ANK2: variants seen among roughly 807,000 people sequenced by gnomAD.
ANK2 encodes ankyrin 2, also known as ankyrin-2.
Under a neutral mutation model 360.5 loss-of-function variants are expected in ANK2, and 83 were observed. The ratio of observed to expected loss-of-function variants is 0.23; its 90% CI spans 0.19 to 0.28. ANK2 has a LOEUF of 0.28. ANK2 is among the 10% of genes least tolerant of loss of function. The pLI is 1.00. For synonymous variants in ANK2, 1,740 were observed against 1,759.5 expected, an observed-to-expected ratio of 0.99 and a Z score of 0.28; for missense variants, 4,201 against 4,795.7, an observed-to-expected ratio of 0.88 and a Z score of 3.66.
rs562092524 is a variant in ANK2 at position 113,349,740 on chromosome 4, C to A, written c.4405-488C>A. 4.6e-5 allele frequency among the ~76,000 whole-genome samples: 7 copies of A among 152,192 alleles called. No individual in the cohort carries two copies. In the South Asian group the frequency reaches 1.5e-3, roughly 32 times the overall value. On this transcript the variant is annotated intron_variant, in intron 36 of 45. Coordinates refer to ENST00000357077, the MANE Select transcript of ANK2 (RefSeq NM_001148.6). The stretch of plus-strand genomic sequence containing the variant: ...TCTTAGATAATTTTCCTACTGAATA[C>A]TTTCTGGAACTATTTAGGGCAATAG...
the ANK2 span, chr4:112,738,751 CAT>C: frequency 1.6e-6 from 1 of 620,586 alleles, no homozygotes; most frequent in African/African-American, 1.8e-5. Context: ...CAGTCAGACC[CAT>C]ATGTCAAAAT....
intron 1 of ANK2, among the ~76,000 whole-genome samples, chr4:113,056,675 T>G (rs900563499): frequency 5.3e-5 from 8 of 152,194 alleles, no homozygotes; most frequent in African/African-American, 1.7e-4. Context: ...TTTTATGTAC[T>G]CGAGACCAAA....
At chr4:113,298,529 C>T (rs1448969758) in intron 22 of ANK2, among the ~76,000 whole-genome samples, 1 of 152,152 alleles carries the variant, frequency 6.6e-6, no homozygotes, top group Non-Finnish European at 1.5e-5. Flanking sequence ...ATATTGACTA[C>T]TATTTGTAAA....
chr4:112,875,925 T>TC (rs948618044), intron 1 of ANK2, among the ~76,000 whole-genome samples: 1 of 151,032 alleles, frequency 6.6e-6, no homozygotes, highest in Admixed American at 6.6e-5. Context: ...TTTTTTCTTT[T>TC]TTTTTTTTTT....
intron 1 of ANK2, among the ~76,000 whole-genome samples, chr4:112,896,587 C>T (rs1424115613): frequency 6.6e-6 from 1 of 152,190 alleles, no homozygotes; most frequent in Non-Finnish European, 1.5e-5. Context: ...GCTGGTAATG[C>T]TTTTCTCAAG....
At position 113,258,121 on chromosome 4, in the gene ANK2, T is replaced by C. The variant is rs143747816; in HGVS notation, c.1260T>C (p.Tyr420=). The C allele has an allele frequency of 3.7e-6, 6 of 1,614,026 alleles. No individual in the cohort carries two copies. The highest frequency in any genetic ancestry group is 1.7e-5 in the Admixed American group (1 of 60,000). Residue 420 remains tyrosine (Y), a synonymous_variant, in exon 12 of 46, where the codon TAT becomes TAC. Coordinates refer to ENST00000357077, the MANE Select transcript of ANK2 (RefSeq NM_001148.6). The part of the protein sequence containing the change: ...RIKVMELLVK[Y]GASIQAITES... ...AAGTCATGGAACTGCTGGTGAAATA[T>C]GGGGCTTCAATCCAAGCTATAACAG...
chr4:113,221,620 C>T (rs2099153015), intron 4 of ANK2, among the ~76,000 whole-genome samples: 1 of 151,408 alleles, frequency 6.6e-6, no homozygotes. Context: ...GATCGTGCCA[C>T]TGCACTCCAG....
In ANK2 at chr4:112,990,061, A is replaced by T. The variant is rs1047657849; in HGVS notation, c.21+85547A>T. Among the ~76,000 whole-genome samples, 6 of 152,126 alleles carry T rather than the reference A, an allele frequency of 3.9e-5. No homozygotes were observed. The South Asian group carries it at 1.2e-3, about 32-fold the overall frequency. ...TGAGGCAGGAAGATTGATTGAGGCCAGGAGTTCAAGACCAGCCTGAGAAAG... is the reference window on the plus strand; with the variant it reads ...TGAGGCAGGAAGATTGATTGAGGCCTGGAGTTCAAGACCAGCCTGAGAAAG... On this transcript the variant is annotated intron_variant, in intron 2 of 30. Coordinates refer to the ANK2 transcript ENST00000503271.
chr4:112,810,989 G>A, the ANK2 span, among the ~76,000 whole-genome samples: 1 of 150,276 alleles, frequency 6.7e-6, no homozygotes, highest in South Asian at 2.1e-4. Flanking sequence ...AGGCTGGAGG[G>A]CAGTGGCGCG....
chr4:113,304,621 G>A (rs2076398012), intron 23 of ANK2, among the ~76,000 whole-genome samples: 1 of 152,024 alleles, frequency 6.6e-6, no homozygotes, highest in Non-Finnish European at 1.5e-5. Flanking sequence ...TCTTTTGTTA[G>A]TTGACATTGA....
At chr4:112,890,682 C>T (rs2079768378) in intron 1 of ANK2, among the ~76,000 whole-genome samples, 1 of 150,420 alleles carries the variant, frequency 6.6e-6, no homozygotes, top group South Asian at 2.1e-4. Context: ...ATTCTCCTGC[C>T]TCAGCCTCCC....
chr4:112,973,841 AG>A (rs2040442133), intron 2 of ANK2, among the ~76,000 whole-genome samples: 2 of 152,224 alleles, frequency 1.3e-5, no homozygotes, highest in African/African-American at 4.8e-5. Flanking sequence ...GTTAGGGGTT[AG>A]CCACAGTCCA....
the ANK2 span, chr4:112,788,536 G>A: frequency 2.5e-6 from 4 of 1,578,564 alleles, no homozygotes; most frequent in Admixed American, 1.7e-5. Flanking sequence ...TCTCGGCCTG[G>A]GCCAACAGCC....
chr4:113,189,748 C>T (rs1302833005), intron 2 of ANK2, among the ~76,000 whole-genome samples: 4 of 152,094 alleles, frequency 2.6e-5, no homozygotes, highest in South Asian at 4.2e-4. Context: ...CCGATGTCAC[C>T]GTTGGTGCCT....
the ANK2 span, among the ~76,000 whole-genome samples, chr4:112,775,544 C>CACAT: frequency 6.6e-6 from 1 of 151,332 alleles, no homozygotes; most frequent in African/African-American, 2.4e-5. Flanking sequence ...CACACACACA[C>CACAT]AAGAAAAAAA....
At chr4:113,180,076 C>T (rs1055806375) in intron 2 of ANK2, among the ~76,000 whole-genome samples, 2 of 152,214 alleles carry the variant, frequency 1.3e-5, no homozygotes, top group African/African-American at 4.8e-5. Context: ...AAGGTCGAAG[C>T]ACCATTTTCA....
intron 1 of ANK2, among the ~76,000 whole-genome samples, chr4:113,105,112 A>G (rs938783871): frequency 6.6e-6 from 1 of 152,162 alleles, no homozygotes. Context: ...AATTTTGGCT[A>G]TTTAGTAAAA....
chr4:113,249,423 C>G (rs963345044), intron 9 of ANK2, among the ~76,000 whole-genome samples: 1 of 152,172 alleles, frequency 6.6e-6, no homozygotes, highest in African/African-American at 2.4e-5. Flanking sequence ...TCAACAAATG[C>G]CACATACTGT....
intron 26 of ANK2, among the ~76,000 whole-genome samples, chr4:113,322,170 G>A (rs2086655626): frequency 6.6e-6 from 1 of 152,170 alleles, no homozygotes; most frequent in Non-Finnish European, 1.5e-5. Flanking sequence ...CCAATAAGCA[G>A]TATTGGTGAT....
Sources: allele counts gnomAD v4.1 joint callset (sites outside exome capture counted in the v4.1 genomes callset), GRCh38; gene constraint gnomAD v4.1.1; transcripts MANE v1.5; gene names NCBI Gene and HGNC (gene_info 2026-07-23, HGNC 2026-07-21).